The following ZNF292 variants were observed in gnomAD, a reference collection of about 807,000 sequenced individuals.
ZNF292 encodes the protein 16 zinc-finger domain protein.
In ZNF292, 26 loss-of-function variants were observed where a neutral mutation model predicts 217.9. The observed-to-expected ratio is 0.12, with a 90% CI of 0.09 to 0.17. The LOEUF is 0.17. ZNF292 is among the 10% of genes least tolerant of loss of function. ZNF292 has a pLI of 1.00. For synonymous variants in ZNF292, 1,257 were observed against 1,124.1 expected, an observed-to-expected ratio of 1.12 and a Z score of -2.37; for missense variants, 2,904 against 3,175.2, an observed-to-expected ratio of 0.91 and a Z score of 2.05.
intron 1 of ZNF292, among the ~76,000 whole-genome samples, chr6:87,170,903 G>A (rs1250646652): frequency 1.3e-5 from 2 of 152,072 alleles, no homozygotes; most frequent in Non-Finnish European, 2.9e-5. Context: ...ATTGATGAAA[G>A]CCATAATTAT....
rs1467937258 is a variant in ZNF292, at chr6:87,259,988, G to T, written c.6359G>T (p.Gly2120Val). The T allele has an allele frequency of 6.2e-7, 1 of 1,613,458 alleles. No individual in the cohort carries two copies. Among genetic ancestry groups the T allele is most frequent in the African/African-American group, 1.3e-5 (1 of 74,874 alleles). ...PYRPYRCVHQGCFAAFTIQQN... is the reference protein window; with the variant it reads ...PYRPYRCVHQVCFAAFTIQQN... ...AGACCTTATCGATGTGTTCACCAGG[G>T]ATGCTTTGCTGCCTTTACGATACAG... The change falls in exon 8 of 8, where the codon GGA (glycine) becomes GTA (valine). Residue 2120 changes from glycine to valine, a missense_variant. Around this residue, in one of 15 missense-constraint regions of ZNF292, gnomAD observed 261 missense variants for 272.8 expected, o/e 0.96. Transcript: ENST00000369577.
At chr6:87,236,392 T>TTG (rs1554202894) in intron 5 of ZNF292, among the ~76,000 whole-genome samples, 48 of 135,788 alleles carry the variant, frequency 3.5e-4, no homozygotes, top group Middle Eastern at 3.7e-3. Context: ...ATAGGTTGTT[T>TTG]TTTTTTTTTT....
intron 1 of ZNF292, among the ~76,000 whole-genome samples, chr6:87,204,504 T>A (rs188059963): frequency 3.1e-4 from 47 of 151,590 alleles, no homozygotes; most frequent in African/African-American, 8.0e-4. Context: ...GTTTCAAAAA[T>A]TTTTTTTTAA....
At chr6:87,171,666 T>G (rs1218815136) in intron 1 of ZNF292, among the ~76,000 whole-genome samples, 1 of 152,230 alleles carries the variant, frequency 6.6e-6, no homozygotes, top group Non-Finnish European at 1.5e-5. Flanking sequence ...TGACATAGTT[T>G]ACAGTCTTTT....
rs1225850318 is a variant in ZNF292 at position 87,183,506 on chromosome 6, A to G, written c.168+27747A>G. Among the ~76,000 whole-genome samples, 7 of 152,290 alleles carry G rather than the reference A, an allele frequency of 4.6e-5. No homozygotes were observed. In the South Asian group the frequency reaches 1.0e-3, roughly 23 times the overall value. ...ATAATCCCAAATGTTGAAATCCTCA[A>G]TGATCAAAATCCCTAATGTCTGAAA... On this transcript the variant is annotated intron_variant, in intron 1 of 7. Coordinates refer to ENST00000369577, the MANE Select transcript of ZNF292 (RefSeq NM_015021.3).
At chr6:87,240,159 G>T (rs561750940) in intron 5 of ZNF292, among the ~76,000 whole-genome samples, 3 of 151,538 alleles carry the variant, frequency 2.0e-5, no homozygotes, top group Non-Finnish European at 2.9e-5. Flanking sequence ...AGACCAGCCC[G>T]GCCAACACAG....
intron 7 of ZNF292, among the ~76,000 whole-genome samples, chr6:87,249,823 C>G (rs996578492): frequency 6.6e-6 from 1 of 151,966 alleles, no homozygotes; most frequent in Non-Finnish European, 1.5e-5. Flanking sequence ...GATTCTCGTG[C>G]CTCAGCCTCT....
At chr6:87,189,758 C>T (rs1304190077) in intron 1 of ZNF292, among the ~76,000 whole-genome samples, 1 of 151,994 alleles carries the variant, frequency 6.6e-6, no homozygotes, top group Non-Finnish European at 1.5e-5. Context: ...TACTGTTTGT[C>T]AGATTCTACA....
intron 1 of ZNF292, among the ~76,000 whole-genome samples, chr6:87,190,921 T>G (rs1771803210): frequency 6.6e-6 from 1 of 152,206 alleles, no homozygotes; most frequent in African/African-American, 2.4e-5. Flanking sequence ...TACAAATATC[T>G]TCCTTAAATT....
intron 5 of ZNF292, among the ~76,000 whole-genome samples, chr6:87,235,216 T>C (rs1773844533): frequency 1.5e-5 from 2 of 135,686 alleles, no homozygotes; most frequent in Admixed American, 7.8e-5. Flanking sequence ...GTATAAAATT[T>C]ATTGAAATCA....
At chr6:87,186,202 G>T (rs1771647596) in intron 1 of ZNF292, among the ~76,000 whole-genome samples, 1 of 152,190 alleles carries the variant, frequency 6.6e-6, no homozygotes, top group Admixed American at 6.5e-5. Flanking sequence ...ATACAAGGAT[G>T]CCTTCAGGCA....
At position 87,180,120 on chromosome 6, in the gene ZNF292, T is replaced by C. The variant is rs112430902; in HGVS notation, c.168+24361T>C. On this transcript the variant is annotated intron_variant, in intron 1 of 7. Transcript: ENST00000369577. ...GAATTGTCTTGGGCCACACATAACA[T>C]ACACTAACAATAGCTGATGAGCTGA... is the stretch of plus-strand genomic sequence containing the variant. 3.4e-3 allele frequency among the ~76,000 whole-genome samples: 516 copies of C among 152,276 alleles called. 1 individual carries two copies. The highest frequency in any genetic ancestry group is 0.012 in the African/African-American group (495 of 41,566).
chr6:87,175,986 T>A (rs752985812), intron 1 of ZNF292, among the ~76,000 whole-genome samples: 4 of 152,204 alleles, frequency 2.6e-5, no homozygotes, highest in African/African-American at 4.8e-5. Context: ...TTGTCTTTAC[T>A]CCTTTCACCT....
intron 1 of ZNF292, among the ~76,000 whole-genome samples, chr6:87,176,057 T>C (rs979830896): frequency 6.6e-6 from 1 of 152,212 alleles, no homozygotes; most frequent in African/African-American, 2.4e-5. Flanking sequence ...CAAAAGTTTG[T>C]AGTATATGTG....
intron 4 of ZNF292, among the ~76,000 whole-genome samples, chr6:87,225,103 G>A (rs775385697): frequency 6.6e-6 from 1 of 152,114 alleles, no homozygotes; most frequent in African/African-American, 2.4e-5. Context: ...TTGCATTTCT[G>A]TAATGACAAA....
intron 1 of ZNF292, chr6:87,170,171 T>C (rs1771054910): frequency 6.6e-6 from 1 of 152,232 alleles, no homozygotes; most frequent in African/African-American, 2.4e-5. Flanking sequence ...TATTATATTA[T>C]TTTAGGAGAC....
At chr6:87,185,834 A>G (rs767821876) in intron 1 of ZNF292, among the ~76,000 whole-genome samples, 1 of 152,024 alleles carries the variant, frequency 6.6e-6, no homozygotes, top group Non-Finnish European at 1.5e-5. Context: ...AAAGGATTTT[A>G]CAAAGTATTG....
intron 6 of ZNF292, among the ~76,000 whole-genome samples, chr6:87,244,867 G>GTGCACACACATATATACT (rs1774490099): frequency 6.6e-6 from 1 of 151,470 alleles, no homozygotes; most frequent in Non-Finnish European, 1.5e-5. Flanking sequence ...ACATATATAC[G>GTGCACACACATATATACT]TACACACACA....
Position 87,254,932 on chromosome 6 carries a change from G to T in ZNF292, c.1303G>T (p.Val435Leu), listed in dbSNP as rs1399202413. The T allele has an allele frequency of 1.9e-6, 3 of 1,613,784 alleles. No individual in the cohort carries two copies. Among genetic ancestry groups the T allele is most frequent in the Non-Finnish European group, 1.7e-6 (2 of 1,179,832 alleles). Residue 435 changes from valine to leucine, a missense_variant, in exon 8 of 8, where the codon GTA becomes TTA. Val to Leu is a conservative substitution (Grantham distance 32, BLOSUM62 1). Around this residue, in one of 15 missense-constraint regions of ZNF292, gnomAD observed 15 missense variants for 46.8 expected, o/e 0.32. Transcript: ENST00000369577. Reference sequence around the variant, plus strand: ...TTCTTTACGCTGTGAGCTGTTACTTGTATTGAAAACTCAATGGCCCTTTGA... The same window carrying T: ...TTCTTTACGCTGTGAGCTGTTACTTTTATTGAAAACTCAATGGCCCTTTGA... ...PNSLRCELLL[V>L]LKTQWPFDPE...
Sources: gnomAD v4.1 joint callset for allele counts (sites outside exome capture counted in the v4.1 genomes callset) on GRCh38, gnomAD v4.1.1 for gene constraint, gnomAD v4.1.1 regional missense constraint, MANE v1.5 for transcripts, NCBI Gene and HGNC (gene_info 2026-07-23, HGNC 2026-07-21) for gene names.